The following KLF12 variants were observed in gnomAD, a reference collection of about 807,000 sequenced individuals.
KLF12 encodes the protein Krueppel-like factor 12.
Under a neutral mutation model 37.8 loss-of-function variants are expected in KLF12, and 9 were observed. The ratio of observed to expected loss-of-function variants is 0.24; its 90% CI spans 0.14 to 0.42. The LOEUF is 0.42. Among genes scored for constraint, KLF12 ranks in the 10% least tolerant of loss-of-function variants. The pLI, the probability that KLF12 is intolerant of heterozygous loss-of-function variation, is 1.00. For synonymous variants in KLF12, 208 were observed against 202.1 expected, an observed-to-expected ratio of 1.03 and a Z score of -0.25; for missense variants, 411 against 516.0, an observed-to-expected ratio of 0.80 and a Z score of 1.97.
intron 4 of KLF12, among the ~76,000 whole-genome samples, chr13:73,834,267 T>C (rs1003915308): frequency 1.3e-5 from 2 of 152,160 alleles, no homozygotes; most frequent in African/African-American, 4.8e-5. Flanking sequence ...TCCTGCTATA[T>C]CTTTCTCTCC....
At chr13:74,001,754 A>G (rs1273770383) in intron 1 of KLF12, among the ~76,000 whole-genome samples, 1 of 152,258 alleles carries the variant, frequency 6.6e-6, no homozygotes, top group Non-Finnish European at 1.5e-5. Context: ...CATGTGAAAT[A>G]AAACAAATAT....
chr13:74,082,224 T>C (rs1316628971), intron 1 of KLF12, among the ~76,000 whole-genome samples: 1 of 150,010 alleles, frequency 6.7e-6, no homozygotes, highest in African/African-American at 2.5e-5. Context: ...TCCCAGCTAC[T>C]TGGGAGGCTG....
chr13:74,148,789 T>C, the KLF12 span, among the ~76,000 whole-genome samples: 1 of 152,124 alleles, frequency 6.6e-6, no homozygotes, highest in African/African-American at 2.4e-5. Context: ...TTGTCAGTGT[T>C]GGAGTGTTCA....
the KLF12 span, among the ~76,000 whole-genome samples, chr13:74,243,202 G>A: frequency 3.2e-4 from 49 of 152,122 alleles, no homozygotes; most frequent in African/African-American, 1.2e-3. Flanking sequence ...GAGAACATGC[G>A]GTGTTTGGTT....
intron 2 of KLF12, 41 bp from the exon 3 acceptor site, chr13:73,944,111 A>T: frequency 1.6e-6 from 2 of 1,287,486 alleles, no homozygotes; most frequent in Non-Finnish European, 2.2e-6. Context: ...GCTCTAAAGC[A>T]TTCAAAAGAG....
intron 2 of KLF12, among the ~76,000 whole-genome samples, chr13:73,991,254 G>A (rs1036053736): frequency 3.3e-5 from 5 of 152,168 alleles, no homozygotes; most frequent in Non-Finnish European, 5.9e-5. Context: ...GATTATATAT[G>A]CCTGGAAATA....
chr13:74,216,437 C>A, the KLF12 span, among the ~76,000 whole-genome samples: 2 of 152,050 alleles, frequency 1.3e-5, no homozygotes, highest in African/African-American at 4.8e-5. Context: ...AAGGAGAGCA[C>A]CGCCCATAGA....
At chr13:74,131,865 T>C (rs1489464907) in intron 1 of KLF12, among the ~76,000 whole-genome samples, 1 of 152,130 alleles carries the variant, frequency 6.6e-6, no homozygotes, top group Non-Finnish European at 1.5e-5. Context: ...AATTTTTATA[T>C]GCTCAAATTG....
chr13:73,807,940 A>G (rs1437773510), intron 5 of KLF12, among the ~76,000 whole-genome samples: 1 of 152,188 alleles, frequency 6.6e-6, no homozygotes, highest in Non-Finnish European at 1.5e-5. Context: ...TTCTACTTGC[A>G]TTAATAAATG....
the KLF12 span, among the ~76,000 whole-genome samples, chr13:74,149,753 G>A: frequency 6.6e-6 from 1 of 152,172 alleles, no homozygotes; most frequent in African/African-American, 2.4e-5. Flanking sequence ...TTCTAAGGTA[G>A]TCATGGCATG....
intron 3 of KLF12, among the ~76,000 whole-genome samples, chr13:73,938,884 C>T (rs373919926): frequency 6.6e-6 from 1 of 152,160 alleles, no homozygotes; most frequent in South Asian, 2.1e-4. Context: ...TACTTGTCTG[C>T]GGCAATGCCT....
the KLF12 span, among the ~76,000 whole-genome samples, chr13:74,227,060 C>G: frequency 2.0e-5 from 3 of 152,108 alleles, no homozygotes; most frequent in Admixed American, 2.0e-4. Context: ...TTAACAAATC[C>G]TTTAAGCCAC....
intron 1 of KLF12, among the ~76,000 whole-genome samples, chr13:74,082,130 C>A (rs1361078850): frequency 1.7e-5 from 2 of 120,298 alleles, no homozygotes; most frequent in Non-Finnish European, 3.4e-5. Flanking sequence ...GAATTCAAGA[C>A]AAAACTGGGC....
intron 6 of KLF12, among the ~76,000 whole-genome samples, chr13:73,738,055 G>GTATA (rs549205124): frequency 2.1e-5 from 2 of 97,118 alleles, no homozygotes; most frequent in Admixed American, 1.9e-4. Flanking sequence ...ACATACGTGT[G>GTATA]TATATATATA....
At chr13:74,192,591 G>A in the KLF12 span, among the ~76,000 whole-genome samples, 1 of 152,178 alleles carries the variant, frequency 6.6e-6, no homozygotes, top group African/African-American at 2.4e-5. Context: ...CATGTGGCAT[G>A]AGAAATCAGT....
intron 2 of KLF12, among the ~76,000 whole-genome samples, chr13:73,993,272 T>C (rs1317777887): frequency 2.6e-5 from 4 of 152,160 alleles, no homozygotes; most frequent in African/African-American, 9.7e-5. Context: ...ACTGCTCCTT[T>C]CTCCTTAAAG....
the KLF12 span, among the ~76,000 whole-genome samples, chr13:74,210,092 G>T: frequency 6.6e-6 from 1 of 152,030 alleles, no homozygotes; most frequent in Non-Finnish European, 1.5e-5. Context: ...ACAGATACCT[G>T]GCAAAACTCA....
At chr13:73,908,947 A>G (rs1305199660) in intron 3 of KLF12, among the ~76,000 whole-genome samples, 1 of 152,232 alleles carries the variant, frequency 6.6e-6, no homozygotes, top group Admixed American at 6.5e-5. Context: ...TGATGAATGA[A>G]CAAATCAATG....
At chr13:73,991,888 A>C (rs1414582595) in intron 2 of KLF12, among the ~76,000 whole-genome samples, 1 of 152,206 alleles carries the variant, frequency 6.6e-6, no homozygotes, top group African/African-American at 2.4e-5. Context: ...AAGAAATTTA[A>C]AGCAACCACA....
Sources: gnomAD v4.1 joint callset for allele counts (sites outside exome capture counted in the v4.1 genomes callset) on GRCh38, gnomAD v4.1.1 for gene constraint, MANE v1.5 for transcripts, NCBI Gene and HGNC (gene_info 2026-07-23, HGNC 2026-07-21) for gene names.